ELOVL6: variants seen among roughly 807,000 people sequenced by gnomAD.
ELOVL6 encodes ELOVL fatty acid elongase 6, also known as very long chain fatty acid elongase 6.
A neutral mutation model predicts 31.7 loss-of-function variants in ELOVL6; 8 were observed. The ratio of observed to expected loss-of-function variants is 0.25; its 90% CI spans 0.15 to 0.45. The LOEUF (loss-of-function observed/expected upper bound fraction) is 0.45. Among genes scored for constraint, ELOVL6 ranks in the 20% least tolerant of loss-of-function variants. ELOVL6 has a pLI of 1.00. For missense variants in ELOVL6, 126 were observed against 326.4 expected (o/e 0.39, Z 4.73); for synonymous variants, 101 against 117.7 (o/e 0.86, Z 0.92).
chr4:110,123,635 G>A (rs1757413754), intron 1 of ELOVL6, among the ~76,000 whole-genome samples: 1 of 152,176 alleles, frequency 6.6e-6, no homozygotes, highest in Admixed American at 6.5e-5. Flanking sequence ...CACTGGGAAG[G>A]TGGATGTGAG....
chr4:110,079,009 G>T (rs1329955061), intron 2 of ELOVL6, among the ~76,000 whole-genome samples: 3 of 152,160 alleles, frequency 2.0e-5, no homozygotes, highest in Non-Finnish European at 2.9e-5. Flanking sequence ...TTACATAATG[G>T]TAAAGGGATC....
chr4:110,143,835 C>T (rs1758031162), intron 1 of ELOVL6, among the ~76,000 whole-genome samples: 1 of 152,068 alleles, frequency 6.6e-6, no homozygotes, highest in South Asian at 2.1e-4. Context: ...GCGGGTGGAT[C>T]ACCTGAGGTC....
chr4:110,146,165 A>G (rs1262662225), intron 1 of ELOVL6, among the ~76,000 whole-genome samples: 1 of 152,208 alleles, frequency 6.6e-6, no homozygotes, highest in Admixed American at 6.5e-5. Context: ...CAATGGACAG[A>G]ATAGAGAACC....
At chr4:110,188,686 G>A (rs1017577482) in intron 1 of ELOVL6, among the ~76,000 whole-genome samples, 1 of 151,814 alleles carries the variant, frequency 6.6e-6, no homozygotes, top group Non-Finnish European at 1.5e-5. Flanking sequence ...TTAGGAGTTC[G>A]AGACCAGCCT....
intron 1 of ELOVL6, among the ~76,000 whole-genome samples, chr4:110,111,980 G>A (rs945022966): frequency 6.6e-6 from 1 of 152,184 alleles, no homozygotes; most frequent in African/African-American, 2.4e-5. Flanking sequence ...TGAAATGTAT[G>A]GCTTAATTTT....
At chr4:110,070,153 C>G (rs1252461998) in intron 2 of ELOVL6, among the ~76,000 whole-genome samples, 1 of 152,202 alleles carries the variant, frequency 6.6e-6, no homozygotes, top group Admixed American at 6.5e-5. Context: ...GATGCCACAA[C>G]GCATTCCTGT....
chr4:110,100,846 G>T (rs990507232), intron 2 of ELOVL6, among the ~76,000 whole-genome samples: 1 of 152,164 alleles, frequency 6.6e-6, no homozygotes, highest in Non-Finnish European at 1.5e-5. Flanking sequence ...TCTAATAGAG[G>T]AACTATCTCC....
At chr4:110,196,501 C>G (rs1169896033) in intron 1 of ELOVL6, among the ~76,000 whole-genome samples, 1 of 152,166 alleles carries the variant, frequency 6.6e-6, no homozygotes, top group Non-Finnish European at 1.5e-5. Flanking sequence ...GGCGGTGGGG[C>G]TCGAGGGGCC....
chr4:110,141,254 G>A (rs1260484068), intron 1 of ELOVL6, among the ~76,000 whole-genome samples: 1 of 152,020 alleles, frequency 6.6e-6, no homozygotes, highest in Non-Finnish European at 1.5e-5. Context: ...GTAGAGACAT[G>A]GTTTCTCCAT....
chr4:110,086,500 C>T (rs1276149796), intron 2 of ELOVL6, among the ~76,000 whole-genome samples: 1 of 152,122 alleles, frequency 6.6e-6, no homozygotes, highest in African/African-American at 2.4e-5. Context: ...TATAATATTG[C>T]CACATGAGAG....
At position 110,084,227 on chromosome 4, in the gene ELOVL6, T is replaced by TATATATAACATATAACATATATG. The variant is rs1553956039; in HGVS notation, c.221+21269_221+21270insCATATATGTTATATGTTATATAT. Among the ~76,000 whole-genome samples, 2 of 100,062 alleles carry TATATATAACATATAACATATATG rather than the reference T, an allele frequency of 2.0e-5. 1 individual carries two copies. Among genetic ancestry groups the TATATATAACATATAACATATATG allele is most frequent in the African/African-American group, 9.9e-5 (2 of 20,296 alleles). The allele number at this position is 100,062 out of a possible 152,430, so 65.6% of individuals were successfully genotyped here. ...TATATATAACATATAACTTATATGA[T>TATATATAACATATAACATATATG]ATATATAACATATATGATATATATA... On this transcript the variant is annotated intron_variant, in intron 2 of 3. Transcript: ENST00000302274.
At chr4:110,135,945 T>A (rs188725242) in intron 1 of ELOVL6, among the ~76,000 whole-genome samples, 7 of 152,328 alleles carry the variant, frequency 4.6e-5, no homozygotes, top group African/African-American at 1.7e-4. Context: ...ATGTTGAGTG[T>A]GTGTGAGTCT....
At chr4:110,197,245 G>GA (rs1212117473) in intron 1 of ELOVL6, among the ~76,000 whole-genome samples, 1 of 152,256 alleles carries the variant, frequency 6.6e-6, no homozygotes, top group Admixed American at 6.5e-5. Flanking sequence ...AAGTTAAGGG[G>GA]AGGAGAGGAA....
At chr4:110,075,735 A>C (rs1005824276) in intron 2 of ELOVL6, among the ~76,000 whole-genome samples, 15 of 152,362 alleles carry the variant, frequency 9.8e-5, no homozygotes, top group African/African-American at 3.4e-4. Flanking sequence ...AAAATGGTTA[A>C]GAGGATAAAT....
chr4:110,149,318 A>T (rs1758218870), intron 1 of ELOVL6, among the ~76,000 whole-genome samples: 1 of 152,210 alleles, frequency 6.6e-6, no homozygotes. Context: ...TATCAAAAAG[A>T]TACCTGCCCT....
At chr4:110,112,536 T>A (rs936617028) in intron 1 of ELOVL6, among the ~76,000 whole-genome samples, 2 of 152,174 alleles carry the variant, frequency 1.3e-5, no homozygotes, top group Non-Finnish European at 1.5e-5. Flanking sequence ...AACCAAAGAC[T>A]GTAGACTGTC....
intron 1 of ELOVL6, among the ~76,000 whole-genome samples, chr4:110,179,785 A>G (rs772647956): frequency 1.4e-4 from 21 of 152,246 alleles, no homozygotes; most frequent in Non-Finnish European, 2.4e-4. Flanking sequence ...AATCTATTAT[A>G]GCACATCTAG....
At position 110,049,902 on chromosome 4, in the gene ELOVL6, G is replaced by A. The variant is rs1754794176; in HGVS notation, c.*1436C>T. On this transcript the variant is annotated 3_prime_UTR_variant, in exon 4 of 4. Coordinates refer to ENST00000302274, the MANE Select transcript of ELOVL6 (RefSeq NM_024090.3). ...TATTATCCAGCTTTTTTTTTTTAAAGAATATGGCTCTTAATAAATTGATTT... is the reference window on the plus strand; with the variant it reads ...TATTATCCAGCTTTTTTTTTTTAAAAAATATGGCTCTTAATAAATTGATTT... The A allele has an allele frequency of 6.7e-6, 1 of 149,864 alleles. No homozygotes were observed. Among genetic ancestry groups the A allele is most frequent in the East Asian group, 1.9e-4 (1 of 5,132 alleles). The allele number at this position is 149,864 out of a possible 1,614,324, so 9.3% of individuals were successfully genotyped here.
chr4:110,158,651 ATATATATTTTTTT>A (rs1212788228), intron 1 of ELOVL6, among the ~76,000 whole-genome samples: 1 of 89,962 alleles, frequency 1.1e-5, no homozygotes, highest in African/African-American at 6.9e-5. Context: ...ATATATATAT[ATATATATTTTTTT>A]TTTTTTTTTT....
Sources: gnomAD v4.1 joint callset for allele counts (sites outside exome capture counted in the v4.1 genomes callset) on GRCh38, gnomAD v4.1.1 for gene constraint, MANE v1.5 for transcripts, NCBI Gene and HGNC (gene_info 2026-07-23, HGNC 2026-07-21) for gene names.